Variants in TTC6 observed in about 807,000 individuals in gnomAD.
The protein encoded by TTC6 is tetratricopeptide repeat protein 6.
Under a neutral mutation model 210.4 loss-of-function variants are expected in TTC6, and 172 were observed. That is an observed-to-expected ratio of 0.82 (90% CI 0.72 to 0.93). The LOEUF (loss-of-function observed/expected upper bound fraction) is 0.93. TTC6 is among the 40% of genes least tolerant of loss of function. TTC6 has a pLI of 0.00. For missense variants in TTC6, 2,414 were observed against 2,318.1 expected (o/e 1.04, Z -0.85); for synonymous variants, 804 against 819.6 (o/e 0.98, Z 0.32).
intron 14 of TTC6, among the ~76,000 whole-genome samples, chr14:37,786,441 T>G (rs2096067860): frequency 6.6e-6 from 1 of 152,218 alleles, no homozygotes; most frequent in Admixed American, 6.5e-5. Context: ...CGGGATATAA[T>G]CTACTGGTAT....
intron 18 of TTC6, among the ~76,000 whole-genome samples, chr14:37,795,590 A>C (rs918573324): frequency 6.6e-6 from 1 of 152,130 alleles, no homozygotes. Context: ...TTTAGTGTTT[A>C]TGTTCTTTGA....
At chr14:37,793,258 C>T (rs2096084583) in intron 17 of TTC6, among the ~76,000 whole-genome samples, 1 of 152,122 alleles carries the variant, frequency 6.6e-6, no homozygotes, top group Non-Finnish European at 1.5e-5. Flanking sequence ...TCTGCAAGAC[C>T]CCACAGGAGC....
At chr14:37,725,072 C>G (rs1245287709) in intron 7 of TTC6, 70 bp downstream of exon 9, 3 of 881,278 alleles carry the variant, frequency 3.4e-6, no homozygotes, top group Non-Finnish European at 4.8e-6. Flanking sequence ...GTATAATTGG[C>G]TATGACATTC....
intron 29 of TTC6, among the ~76,000 whole-genome samples, chr14:37,834,280 A>G (rs945953371): frequency 4.0e-5 from 2 of 49,748 alleles, no homozygotes; most frequent in Non-Finnish European, 2.5e-4. Context: ...TAGGTTTTCT[A>G]TGACTTTTTC....
chr14:37,835,893 C>G (rs1440776840), intron 29 of TTC6, among the ~76,000 whole-genome samples: 1 of 151,324 alleles, frequency 6.6e-6, no homozygotes, highest in Non-Finnish European at 1.5e-5. Flanking sequence ...TGATCTCTAT[C>G]TCCTTACTCT....
At chr14:37,823,752 A>T in exon 27 of TTC6, 1 of 1,613,288 alleles carries the variant, frequency 6.2e-7, no homozygotes, top group Non-Finnish European at 8.5e-7. Flanking sequence ...TGCAGAATTA[A>T]TGAGTTTGAA....
chr14:37,670,476 T>TTTTTTTTG (rs2095756157), intron 1 of TTC6, among the ~76,000 whole-genome samples: 1 of 141,504 alleles, frequency 7.1e-6, no homozygotes, highest in African/African-American at 2.6e-5. Context: ...CTACCTCACT[T>TTTTTTTTG]TTTTTTTTTT....
At chr14:37,815,499 G>A (rs2096139320) in intron 25 of TTC6, among the ~76,000 whole-genome samples, 1 of 152,166 alleles carries the variant, frequency 6.6e-6, no homozygotes, top group African/African-American at 2.4e-5. Flanking sequence ...CTGCTGATCT[G>A]ACAGGAGGCA....
chr14:37,838,167 A>T (rs913125985), intron 29 of TTC6, among the ~76,000 whole-genome samples: 2 of 152,194 alleles, frequency 1.3e-5, no homozygotes, highest in African/African-American at 4.8e-5. Context: ...GTTTTCATCC[A>T]TCAGGGAGTT....
chr14:37,767,698 T>C (rs1422962251), intron 14 of TTC6, among the ~76,000 whole-genome samples: 1 of 152,106 alleles, frequency 6.6e-6, no homozygotes, highest in Non-Finnish European at 1.5e-5. Flanking sequence ...TTCTGGATAT[T>C]AGCCCTTTGT....
chr14:37,597,176 C>T (rs971495528), intron 1 of TTC6, among the ~76,000 whole-genome samples: 3 of 152,016 alleles, frequency 2.0e-5, no homozygotes, highest in African/African-American at 7.2e-5. Flanking sequence ...AATGTATCTG[C>T]GAATTGTGTG....
Position 37,668,037 on chromosome 14 carries a change from AG to A in TTC6, c.940-12112del. Reference sequence around the variant, plus strand: ...GTAGTCCCAGCTACTTGGGAGGCTGAGGCAGGAGAATCGCTTGAATCTGGGA... The same window carrying A: ...GTAGTCCCAGCTACTTGGGAGGCTGAGCAGGAGAATCGCTTGAATCTGGGA... On this transcript the variant is annotated intron_variant, in intron 1 of 30. Transcript: ENST00000553443. 2.7e-5 allele frequency among the ~76,000 whole-genome samples: 4 copies of A among 150,154 alleles called. 1 individual carries two copies. The South Asian group carries it at 8.5e-4, about 32-fold the overall frequency.
intron 4 of TTC6, among the ~76,000 whole-genome samples, chr14:37,699,291 T>C (rs2095820437): frequency 6.6e-6 from 1 of 152,230 alleles, no homozygotes; most frequent in Non-Finnish European, 1.5e-5. Flanking sequence ...AGCTAACTTC[T>C]GCCATGTGAG....
intron 6 of TTC6, 84 bp from the exon 9 acceptor site, chr14:37,724,814 A>G: frequency 3.9e-6 from 3 of 762,212 alleles, no homozygotes; most frequent in Non-Finnish European, 5.7e-6. Flanking sequence ...TCAGCAACTA[A>G]AAATAATTTT....
At chr14:37,687,717 C>CA (rs2095796601) in intron 3 of TTC6, among the ~76,000 whole-genome samples, 1 of 152,102 alleles carries the variant, frequency 6.6e-6, no homozygotes, top group African/African-American at 2.4e-5. Flanking sequence ...ATGCCCTGGG[C>CA]TGCCTTGAAG....
intron 1 of TTC6, among the ~76,000 whole-genome samples, chr14:37,649,632 C>T (rs904854504): frequency 1.3e-5 from 2 of 152,310 alleles, no homozygotes; most frequent in South Asian, 2.1e-4. Flanking sequence ...TTATGCTCTG[C>T]GGTAGTGCCT....
intron 2 of TTC6, among the ~76,000 whole-genome samples, chr14:37,681,171 A>G (rs1332418962): frequency 2.0e-5 from 3 of 152,246 alleles, no homozygotes; most frequent in East Asian, 1.9e-4. Context: ...CACATATGCT[A>G]TGGACTTAAG....
chr14:37,657,975 T>G (rs1373664912), intron 1 of TTC6, among the ~76,000 whole-genome samples: 1 of 152,214 alleles, frequency 6.6e-6, no homozygotes, highest in Non-Finnish European at 1.5e-5. Context: ...TTTTTATTAT[T>G]TGTCATTTAC....
chr14:37,725,310 G>GTGTATGTA (rs1555391390), intron 7 of TTC6, among the ~76,000 whole-genome samples: 1 of 55,732 alleles, frequency 1.8e-5, no homozygotes, highest in African/African-American at 6.4e-5. Flanking sequence ...GTGTGTGTGT[G>GTGTATGTA]TGTATATATA....
Sources: allele counts gnomAD v4.1 joint callset (sites outside exome capture counted in the v4.1 genomes callset), GRCh38; gene constraint gnomAD v4.1.1; transcripts MANE v1.5; gene names NCBI Gene and HGNC (gene_info 2026-07-23, HGNC 2026-07-21).